The following EYA4 variants were observed in gnomAD, a reference collection of about 807,000 sequenced individuals.
The protein encoded by EYA4 is EYA transcriptional coactivator and phosphatase 4, also known as protein phosphatase EYA4.
Under a neutral mutation model 87.9 loss-of-function variants are expected in EYA4, and 31 were observed. The observed-to-expected ratio is 0.35, with a 90% CI of 0.27 to 0.48. The LOEUF (loss-of-function observed/expected upper bound fraction) is 0.48. Ranked by LOEUF, EYA4 falls within the 20% of genes least tolerant of loss-of-function variation. The pLI is 0.99. For missense variants in EYA4, 678 were observed against 761.4 expected (o/e 0.89, Z 1.29); for synonymous variants, 263 against 270.6 (o/e 0.97, Z 0.28).
chr6:133,448,163 C>T lies in EYA4; in HGVS notation c.261C>T (p.Thr87=), dbSNP rs567673223. ...NTADWLLSCN[T]PSSATMSLLA... ...CAGACTGGTTGCTGAGTTGCAACAC[C>T]CCCTCTTCTGCAACAAGTATGAGAG... The change falls in exon 5 of 20, where the codon ACC becomes ACT. Residue 87 remains threonine, a synonymous_variant. Transcript: ENST00000355286. 6 of 1,613,006 alleles carry T rather than the reference C, an allele frequency of 3.7e-6. No homozygotes were observed. In the Admixed American group the frequency reaches 5.0e-5, roughly 13 times the overall value.
intron 13 of EYA4, among the ~76,000 whole-genome samples, chr6:133,491,968 AAAAG>A (rs1437437862): frequency 6.6e-6 from 1 of 151,250 alleles, no homozygotes; most frequent in East Asian, 1.9e-4. Context: ...AAAAAAAAAA[AAAAG>A]AGGAAGAAGA....
chr6:133,440,542 T>A (rs543012688), intron 3 of EYA4, among the ~76,000 whole-genome samples: 1 of 152,118 alleles, frequency 6.6e-6, no homozygotes, highest in Admixed American at 6.5e-5. Context: ...GTAAAAATAA[T>A]ATAACAAAAA....
At chr6:133,415,893 A>G (rs965383241) in intron 3 of EYA4, among the ~76,000 whole-genome samples, 4 of 152,234 alleles carry the variant, frequency 2.6e-5, no homozygotes, top group Non-Finnish European at 5.9e-5. Flanking sequence ...TAGTAGAGAT[A>G]TGTATAGGGA....
intron 2 of EYA4, among the ~76,000 whole-genome samples, chr6:133,299,637 G>A (rs1000064572): frequency 3.3e-5 from 5 of 151,676 alleles, no homozygotes; most frequent in East Asian, 1.9e-4. Flanking sequence ...GCGTGAACCC[G>A]GGAGGCGGAG....
intron 2 of EYA4, among the ~76,000 whole-genome samples, chr6:133,328,583 A>C (rs910297094): frequency 6.6e-6 from 1 of 152,172 alleles, no homozygotes; most frequent in African/African-American, 2.4e-5. Context: ...AGTGAAATCT[A>C]TCTACTATAT....
Position 133,531,406 on chromosome 6 carries a change from A to C in EYA4, c.*2601A>C. 3.5e-6 allele frequency: 2 copies of C among 569,610 alleles called. No homozygotes were observed. The highest frequency in any genetic ancestry group is 3.1e-6 in the Non-Finnish European group (1 of 322,596). 35.3% of individuals were successfully genotyped at this position (569,610 alleles called of 1,614,324 possible). ...TAATCTGAAAAACGAAAACTGAACA[A>C]ACACAAAACCAACCCCTTGGCAGTT... On this transcript the variant is annotated 3_prime_UTR_variant, in exon 20 of 20. Coordinates refer to ENST00000355286, the MANE Select transcript of EYA4 (RefSeq NM_004100.5).
intron 3 of EYA4, among the ~76,000 whole-genome samples, chr6:133,426,763 G>A (rs1304856301): frequency 1.3e-5 from 2 of 152,088 alleles, no homozygotes; most frequent in East Asian, 3.9e-4. Context: ...CCTTTTGCCT[G>A]AATACCCTTG....
chr6:133,525,998 T>C, intron 19 of EYA4: 1 of 698,814 alleles, frequency 1.4e-6, no homozygotes, highest in Non-Finnish European at 1.8e-6. Context: ...ATTCAGAAGA[T>C]CCCATGGGCC....
intron 2 of EYA4, among the ~76,000 whole-genome samples, chr6:133,283,558 A>T (rs1289578440): frequency 6.6e-6 from 1 of 152,140 alleles, no homozygotes; most frequent in African/African-American, 2.4e-5. Flanking sequence ...TCATAACCTC[A>T]GTCTGAAGAA....
intron 2 of EYA4, among the ~76,000 whole-genome samples, chr6:133,350,888 A>G (rs1783590038): frequency 6.6e-6 from 1 of 152,030 alleles, no homozygotes; most frequent in Non-Finnish European, 1.5e-5. Context: ...TAGATTCTTG[A>G]ATATATTTAT....
intron 2 of EYA4, among the ~76,000 whole-genome samples, chr6:133,290,385 A>T (rs961809790): frequency 5.9e-5 from 9 of 152,162 alleles, no homozygotes; most frequent in African/African-American, 2.2e-4. Flanking sequence ...GAAGAAAAAA[A>T]TTTGATATGG....
At chr6:133,455,041 G>A (rs1289153333) in intron 5 of EYA4, among the ~76,000 whole-genome samples, 2 of 152,124 alleles carry the variant, frequency 1.3e-5, no homozygotes, top group Admixed American at 1.3e-4. Context: ...TGGTTATAGT[G>A]ATTTGTATTA....
chr6:133,399,677 A>G (rs1788096780), intron 3 of EYA4, among the ~76,000 whole-genome samples: 1 of 152,228 alleles, frequency 6.6e-6, no homozygotes, highest in Non-Finnish European at 1.5e-5. Flanking sequence ...CCATCAAATG[A>G]CAATACTTTA....
chr6:133,338,220 T>C (rs1244498376), intron 2 of EYA4, among the ~76,000 whole-genome samples: 4 of 152,092 alleles, frequency 2.6e-5, no homozygotes, highest in Admixed American at 2.0e-4. Context: ...TTTAGAAACA[T>C]TGAAAATTTT....
chr6:133,294,364 TG>T (rs1222018657), intron 2 of EYA4, among the ~76,000 whole-genome samples: 2 of 150,640 alleles, frequency 1.3e-5, no homozygotes, highest in Admixed American at 6.6e-5. Context: ...GTTTTGTTTT[TG>T]TTTTTTTTGT....
intron 11 of EYA4, among the ~76,000 whole-genome samples, chr6:133,475,688 G>T (rs760308059): frequency 6.6e-6 from 1 of 152,112 alleles, no homozygotes; most frequent in Non-Finnish European, 1.5e-5. Flanking sequence ...CTGTGGCATT[G>T]CTATGCCCTT....
At chr6:133,343,080 C>A (rs1782922991) in intron 2 of EYA4, among the ~76,000 whole-genome samples, 1 of 151,878 alleles carries the variant, frequency 6.6e-6, no homozygotes, top group African/African-American at 2.4e-5. Context: ...AGGTGGCAAC[C>A]ATTTCTTTCA....
intron 2 of EYA4, among the ~76,000 whole-genome samples, chr6:133,347,617 T>C (rs530282247): frequency 6.6e-6 from 1 of 152,324 alleles, no homozygotes; most frequent in South Asian, 2.1e-4. Flanking sequence ...TATTATGCAT[T>C]ATTCTATGCC....
intron 5 of EYA4, among the ~76,000 whole-genome samples, chr6:133,453,881 GTCTA>G (rs1362791387): frequency 6.6e-6 from 1 of 151,936 alleles, no homozygotes; most frequent in Non-Finnish European, 1.5e-5. Flanking sequence ...AACTTCCTTT[GTCTA>G]TCTTTGACTA....
Sources: gnomAD v4.1 joint callset for allele counts (sites outside exome capture counted in the v4.1 genomes callset) on GRCh38, gnomAD v4.1.1 for gene constraint, MANE v1.5 for transcripts, NCBI Gene and HGNC (gene_info 2026-07-23, HGNC 2026-07-21) for gene names.